CDIN1: variants seen among roughly 807,000 people sequenced by gnomAD.
The protein encoded by CDIN1 is CDAN1-interacting nuclease 1.
Under a neutral mutation model 45.3 loss-of-function variants are expected in CDIN1, and 33 were observed. That is an observed-to-expected ratio of 0.73 (90% CI 0.55 to 0.97). The LOEUF is 0.97. CDIN1 is among the 50% of genes least tolerant of loss of function. The probability of loss-of-function intolerance (pLI) is 0.00; values close to 1 mark genes in which losing one functional copy is unlikely to be tolerated. For missense variants in CDIN1, 303 were observed against 339.4 expected (o/e 0.89, Z 0.84); for synonymous variants, 118 against 124.4 (o/e 0.95, Z 0.34).
chr15:36,787,232 C>G (rs2054514721), intron 10 of CDIN1, among the ~76,000 whole-genome samples: 1 of 152,084 alleles, frequency 6.6e-6, no homozygotes, highest in South Asian at 2.1e-4. Flanking sequence ...TTGTCTCTGC[C>G]CTGGTTCTTA....
chr15:36,728,788 C>G (rs1301861762), intron 10 of CDIN1, among the ~76,000 whole-genome samples: 1 of 152,132 alleles, frequency 6.6e-6, no homozygotes, highest in East Asian at 1.9e-4. Context: ...ATTCCCCTGC[C>G]TCAGCCTCCC....
intron 10 of CDIN1, among the ~76,000 whole-genome samples, chr15:36,759,740 G>C (rs11636526): frequency 6.6e-6 from 1 of 152,080 alleles, no homozygotes; most frequent in Non-Finnish European, 1.5e-5. Flanking sequence ...CATGACTGGG[G>C]AGGCTTCCAG....
chr15:36,758,000 T>G (rs2053654676), intron 10 of CDIN1, among the ~76,000 whole-genome samples: 2 of 152,150 alleles, frequency 1.3e-5, no homozygotes, highest in South Asian at 4.1e-4. Flanking sequence ...GCCTAATTTA[T>G]AAATTAAACT....
intron 10 of CDIN1, chr15:36,734,312 A>T: frequency 2.7e-6 from 1 of 371,184 alleles, no homozygotes; most frequent in Non-Finnish European, 5.3e-6. Flanking sequence ...CACTTTGTTC[A>T]TCCTTAGAAC....
chr15:36,629,563 A>C (rs896988380), intron 1 of CDIN1, among the ~76,000 whole-genome samples: 3 of 152,196 alleles, frequency 2.0e-5, no homozygotes, highest in African/African-American at 7.2e-5. Context: ...ATTGCTTGTT[A>C]GAGAAGTGAT....
intron 10 of CDIN1, among the ~76,000 whole-genome samples, chr15:36,774,170 G>GCGCGCA (rs1555407112): frequency 3.3e-5 from 5 of 151,678 alleles, no homozygotes; most frequent in Admixed American, 6.6e-5. Flanking sequence ...GTGTGCGCGC[G>GCGCGCA]CGCGCATGCA....
chr15:36,673,141 ATAAATT>A (rs542997452), intron 5 of CDIN1, among the ~76,000 whole-genome samples: 58 of 152,236 alleles, frequency 3.8e-4, no homozygotes, highest in African/African-American at 1.2e-3. Context: ...TAGTGGGAAG[ATAAATT>A]TAAGAGGAGT....
chr15:36,629,256 G>C (rs1478034917), intron 1 of CDIN1, among the ~76,000 whole-genome samples: 1 of 152,174 alleles, frequency 6.6e-6, no homozygotes, highest in Non-Finnish European at 1.5e-5. Flanking sequence ...AGGATGTTTA[G>C]TAAATTTTTA....
intron 1 of CDIN1, among the ~76,000 whole-genome samples, chr15:36,612,479 A>C (rs970830001): frequency 6.6e-6 from 1 of 152,130 alleles, no homozygotes; most frequent in Non-Finnish European, 1.5e-5. Context: ...CACCCCATCT[A>C]TTAGAGATAG....
chr15:36,733,529 C>T (rs959208836), intron 10 of CDIN1, among the ~76,000 whole-genome samples: 15 of 151,678 alleles, frequency 9.9e-5, no homozygotes, highest in East Asian at 1.9e-4. Flanking sequence ...TTTTGTGAAT[C>T]GTGTACATAC....
chr15:36,752,862 T>G (rs1030821188), intron 10 of CDIN1, among the ~76,000 whole-genome samples: 4 of 152,162 alleles, frequency 2.6e-5, no homozygotes, highest in Non-Finnish European at 4.4e-5. Context: ...TTTAAAAAAG[T>G]CCCTGTAACT....
At chr15:36,805,775 G>A (rs1054800936) in intron 10 of CDIN1, among the ~76,000 whole-genome samples, 14 of 152,148 alleles carry the variant, frequency 9.2e-5, no homozygotes, top group Non-Finnish European at 1.8e-4. Flanking sequence ...CTGAGCTGTT[G>A]AAGAAGGCTC....
At chr15:36,617,506 C>A (rs980166950) in intron 1 of CDIN1, 11 of 846,748 alleles carry the variant, frequency 1.3e-5, no homozygotes, top group Non-Finnish European at 2.3e-5. Flanking sequence ...GTCAAAGAAT[C>A]TTTACTTGAT....
At chr15:36,782,099 G>A (rs549380167) in intron 10 of CDIN1, among the ~76,000 whole-genome samples, 2 of 152,230 alleles carry the variant, frequency 1.3e-5, no homozygotes, top group Admixed American at 6.5e-5. Context: ...TTTTTTCCAT[G>A]AAGCTGATAA....
chr15:36,674,587 TA>T (rs1053021558), intron 5 of CDIN1, among the ~76,000 whole-genome samples: 1 of 152,144 alleles, frequency 6.6e-6, no homozygotes, highest in African/African-American at 2.4e-5. Flanking sequence ...ATGTACAGTA[TA>T]AAACTACCAT....
chr15:36,580,709 G>A (rs757767195), intron 1 of CDIN1, among the ~76,000 whole-genome samples: 4 of 152,198 alleles, frequency 2.6e-5, no homozygotes, highest in African/African-American at 4.8e-5. Context: ...CATTACATGA[G>A]GAACCAGTTG....
chr15:36,707,077 C>T (rs1005591056), intron 8 of CDIN1: 17 of 151,790 alleles, frequency 1.1e-4, no homozygotes, highest in Admixed American at 1.1e-3. Flanking sequence ...GGAAGCAAGC[C>T]AAAGGTTGAA....
chr15:36,674,951 A>C (rs1433239859), intron 5 of CDIN1, among the ~76,000 whole-genome samples: 1 of 152,076 alleles, frequency 6.6e-6, no homozygotes, highest in Non-Finnish European at 1.5e-5. Flanking sequence ...TAAAGCAATG[A>C]GTGTGCCTTC....
chr15:36,799,127 A>G (rs2054920996), intron 10 of CDIN1: 1 of 152,228 alleles, frequency 6.6e-6, no homozygotes, highest in East Asian at 1.9e-4. Context: ...AATTTTGTTA[A>G]AACAAACACC....
Sources: allele counts gnomAD v4.1 joint callset (sites outside exome capture counted in the v4.1 genomes callset), GRCh38; gene constraint gnomAD v4.1.1; transcripts MANE v1.5; gene names NCBI Gene and HGNC (gene_info 2026-07-23, HGNC 2026-07-21).